The following FNIP1 variants were observed in gnomAD, a reference collection of about 807,000 sequenced individuals.
The protein encoded by FNIP1 is folliculin interacting protein 1.
In FNIP1, 40 loss-of-function variants were observed where a neutral mutation model predicts 124.5. The ratio of observed to expected loss-of-function variants is 0.32; its 90% CI spans 0.25 to 0.42. The LOEUF (loss-of-function observed/expected upper bound fraction) is 0.42. Ranked by LOEUF, FNIP1 falls within the 10% of genes least tolerant of loss-of-function variation. The pLI, the probability that FNIP1 is intolerant of heterozygous loss-of-function variation, is 1.00. For synonymous variants in FNIP1, 472 were observed against 470.6 expected (o/e 1.00, Z -0.04); for missense variants, 1,176 against 1,403.7 (o/e 0.84, Z 2.59).
chr5:131,777,869 C>T (rs1771863148), intron 1 of FNIP1, among the ~76,000 whole-genome samples: 1 of 152,130 alleles, frequency 6.6e-6, no homozygotes, highest in Non-Finnish European at 1.5e-5. Flanking sequence ...TTTTGCTAGT[C>T]CTCCAGGTGA....
intron 12 of FNIP1, 114 bp downstream of exon 12, chr5:131,678,915 A>T (rs920374088): frequency 2.8e-6 from 2 of 706,600 alleles, no homozygotes; most frequent in African/African-American, 3.7e-5. Flanking sequence ...AATTCTGATT[A>T]TTAATTTTGA....
At chr5:131,769,709 G>A (rs972651857) in intron 1 of FNIP1, among the ~76,000 whole-genome samples, 8 of 152,206 alleles carry the variant, frequency 5.3e-5, no homozygotes, top group African/African-American at 1.9e-4. Flanking sequence ...GACAAAATCT[G>A]TTTTTGCAAA....
rs368694860 is a variant in FNIP1, at chr5:131,672,380, T to C, written c.2064A>G (p.Pro688=). 27 of 1,614,112 alleles carry C rather than the reference T, an allele frequency of 1.7e-5. No individual in the cohort carries two copies. Among genetic ancestry groups the C allele is most frequent in the Non-Finnish European group, 2.0e-5 (24 of 1,180,046 alleles). ...LETVVCTGSV[P]VDKCALSESG... is the part of the protein sequence containing the mutation. ...ACTCTGACAATGCACATTTGTCTAC[T>C]GGAACAGATCCTGTGCAAACAACTG... The change falls in exon 14 of 18, where the codon CCA becomes CCG. Residue 688 remains proline, a synonymous_variant. Coordinates refer to ENST00000510461, the MANE Select transcript of FNIP1 (RefSeq NM_133372.3).
In FNIP1 at chr5:131,672,725, T is replaced by C. The variant is rs1767800729; in HGVS notation, c.1719A>G (p.Leu573=). Residue 573 remains leucine, a synonymous_variant, in exon 14 of 18, where the codon TTA becomes TTG. Transcript: ENST00000510461. ...VMPGTVITTT[L]EKGEIEESEY... ...CTGATTCTTCTATTTCACCTTTCTCTAAAGTGGTAGTAATTACTGTGCCTG... is the reference window on the plus strand; with the variant it reads ...CTGATTCTTCTATTTCACCTTTCTCCAAAGTGGTAGTAATTACTGTGCCTG... 1.9e-6 allele frequency: 3 copies of C among 1,613,636 alleles called. No individual in the cohort carries two copies. In the East Asian group the frequency reaches 6.7e-5, roughly 36 times the overall value.
intron 2 of FNIP1, among the ~76,000 whole-genome samples, chr5:131,733,886 A>G (rs1369554574): frequency 6.6e-6 from 1 of 152,114 alleles, no homozygotes; most frequent in Non-Finnish European, 1.5e-5. Context: ...ATTGATTGGA[A>G]TAGTTTCAGA....
In FNIP1 at chr5:131,784,986, CAT is replaced by C. The variant is rs1554100651; in HGVS notation, c.92+11842_92+11843del. Reference sequence around the variant, plus strand: ...AAATTTCTTATAACTATATATATATCATATATATATGATATATATGACTATAT... The same window carrying C: ...AAATTTCTTATAACTATATATATATCATATATATGATATATATGACTATAT... On this transcript the variant is annotated intron_variant, in intron 1 of 17. Coordinates refer to ENST00000510461, the MANE Select transcript of FNIP1 (RefSeq NM_133372.3). Among the ~76,000 whole-genome samples the C allele has an allele frequency of 6.0e-3, 831 of 137,952 alleles. 12 individuals carry two copies. The highest frequency in any genetic ancestry group is 9.6e-3 in the Non-Finnish European group (624 of 64,976). The allele number at this position is 137,952 out of a possible 152,430, so 90.5% of individuals were successfully genotyped here.
At chr5:131,723,421 T>C (rs1390798695) in intron 3 of FNIP1, among the ~76,000 whole-genome samples, 1 of 152,170 alleles carries the variant, frequency 6.6e-6, no homozygotes. Flanking sequence ...ATTAATAAAT[T>C]GCTATGTGAA....
At chr5:131,771,268 A>C (rs973658682) in intron 1 of FNIP1, among the ~76,000 whole-genome samples, 15 of 152,328 alleles carry the variant, frequency 9.8e-5, no homozygotes, top group African/African-American at 3.1e-4. Flanking sequence ...TGATACTAAA[A>C]CTTCACATTC....
chr5:131,715,877 A>G (rs1247685516), intron 6 of FNIP1, among the ~76,000 whole-genome samples: 1 of 152,062 alleles, frequency 6.6e-6, no homozygotes, highest in East Asian at 1.9e-4. Context: ...GTTCTTACTA[A>G]ACAGAAAATG....
intron 11 of FNIP1, among the ~76,000 whole-genome samples, chr5:131,681,346 G>C (rs182773430): frequency 6.6e-6 from 1 of 152,170 alleles, no homozygotes; most frequent in Admixed American, 6.5e-5. Context: ...CTGAAGTGAA[G>C]GTCTCCAGTC....
chr5:131,687,933 A>T (rs1251762862), intron 11 of FNIP1, among the ~76,000 whole-genome samples: 1 of 152,194 alleles, frequency 6.6e-6, no homozygotes, highest in Admixed American at 6.5e-5. Flanking sequence ...TTCCTAGAAC[A>T]TTCTCCAAAA....
At chr5:131,734,554 C>T (rs2149552950) in intron 2 of FNIP1, among the ~76,000 whole-genome samples, 1 of 152,172 alleles carries the variant, frequency 6.6e-6, no homozygotes, top group Non-Finnish European at 1.5e-5. Flanking sequence ...TTTTTGCAAC[C>T]TACTCATCTG....
intron 11 of FNIP1, among the ~76,000 whole-genome samples, chr5:131,691,672 G>C (rs1768485248): frequency 1.3e-5 from 2 of 152,002 alleles, no homozygotes; most frequent in Admixed American, 1.3e-4. Flanking sequence ...AACGTTAAAA[G>C]GATAATTAAG....
Position 131,651,935 on chromosome 5 carries a change from G to C in FNIP1, c.3173C>G (p.Thr1058Ser). 1.9e-6 allele frequency: 3 copies of C among 1,614,096 alleles called. No individual in the cohort carries two copies. The highest frequency in any genetic ancestry group is 2.5e-6 in the Non-Finnish European group (3 of 1,180,018). Residue 1058 changes from threonine (T) to serine (S), a missense_variant, in exon 16 of 18, where the codon ACT becomes AGT. Thr to Ser is a moderately conservative substitution (Grantham distance 58). Around this residue, in one of 2 missense-constraint regions of FNIP1, gnomAD observed 1,109 missense variants for 1,288.5 expected, o/e 0.86. Coordinates refer to ENST00000510461, the MANE Select transcript of FNIP1 (RefSeq NM_133372.3). ...TCTCTGGCTACTGGCCACTTGAACAGTCCATTTATCCATGTCAGCTATAAT... is the reference window on the plus strand; with the variant it reads ...TCTCTGGCTACTGGCCACTTGAACACTCCATTTATCCATGTCAGCTATAAT... ...VCIIADMDKW[T>S]VQVASSQRRV...
At chr5:131,785,031 TATATATGATATATATGACTATATATATC>T (rs1772127565) in intron 1 of FNIP1, among the ~76,000 whole-genome samples, 1 of 44,086 alleles carries the variant, frequency 2.3e-5, no homozygotes, top group Non-Finnish European at 4.7e-5. Flanking sequence ...ATATATGACA[TATATATGATATATATGACTATATATATC>T]ATATATATGA....
intron 15 of FNIP1, among the ~76,000 whole-genome samples, chr5:131,664,572 C>CTCCA (rs1162930774): frequency 2.0e-5 from 3 of 149,296 alleles, no homozygotes; most frequent in Non-Finnish European, 4.4e-5. Context: ...GAGTTCAAGG[C>CTCCA]TCCAGTAAGC....
At chr5:131,702,283 C>T (rs990921102) in intron 10 of FNIP1, among the ~76,000 whole-genome samples, 2 of 152,140 alleles carry the variant, frequency 1.3e-5, no homozygotes, top group Non-Finnish European at 2.9e-5. Flanking sequence ...CTCAAGCACC[C>T]CTCCCACCTC....
At chr5:131,673,051 GTT>G (rs368626411) in intron 13 of FNIP1, 127 bp from the exon 14 acceptor site, 2,051 of 473,546 alleles carry the variant, frequency 4.3e-3, no homozygotes, top group South Asian at 7.1e-3. Context: ...TCGTTTTTTT[GTT>G]TTTTTTTTTT....
chr5:131,777,422 C>T (rs1342735664), intron 1 of FNIP1, among the ~76,000 whole-genome samples: 1 of 151,558 alleles, frequency 6.6e-6, no homozygotes. Flanking sequence ...ATGGTCCTGT[C>T]GTAAAAACAT....
Sources: allele counts gnomAD v4.1 joint callset (sites outside exome capture counted in the v4.1 genomes callset), GRCh38; gene constraint gnomAD v4.1.1; regional missense constraint gnomAD v4.1.1; transcripts MANE v1.5; gene names NCBI Gene and HGNC (gene_info 2026-07-23, HGNC 2026-07-21).